The following NEB variants were observed in gnomAD, a reference collection of about 807,000 sequenced individuals.
NEB encodes nemaline myopathy type 2.
In NEB, 512 loss-of-function variants were observed where a neutral mutation model predicts 952.2. The ratio of observed to expected loss-of-function variants is 0.54; its 90% confidence interval spans 0.50 to 0.58. The LOEUF (loss-of-function observed/expected upper bound fraction) is 0.58, where lower values mean the gene tolerates loss of function less well. Ranked by LOEUF, NEB falls within the 20% of genes least tolerant of loss-of-function variation. NEB has a pLI of 0.00. For synonymous variants in NEB, 2,900 were observed against 3,149.8 expected (o/e 0.92, Z 2.66); for missense variants, 8,428 against 9,231.1 (o/e 0.91, Z 3.56).
chr2:151,691,818 C>G, intron 23 of NEB, 46 bp downstream of exon 23: 1 of 1,338,088 alleles, frequency 7.5e-7, no homozygotes. Context: ...CTAGATGTCA[C>G]AGGAATCCCA....
chr2:151,705,852 A>G (rs1001207049), intron 13 of NEB, among the ~76,000 whole-genome samples: 5 of 152,240 alleles, frequency 3.3e-5, no homozygotes, highest in Admixed American at 6.5e-5. Flanking sequence ...GCTCTCACTT[A>G]TAAGTGGAAG....
rs985362546 is a variant in NEB, at chr2:151,533,666, C to T, written c.21313-120G>A. ...TAGGCATACACACTTTATGTACTCA[C>T]ATATGTGCGGGTGAAGACATCAAAT... On this transcript the variant is annotated intron_variant, in intron 142 of 181. Coordinates refer to ENST00000397345, the MANE Select transcript of NEB (RefSeq NM_001164508.2). 7.8e-6 allele frequency: 5 copies of T among 640,992 alleles called. No individual in the cohort carries two copies. The Admixed American group carries it at 1.2e-4, about 16-fold the overall frequency. The allele number at this position is 640,992 out of a possible 1,614,324, so 39.7% of individuals were successfully genotyped here.
intron 9 of NEB, among the ~76,000 whole-genome samples, chr2:151,719,233 A>C (rs983573120): frequency 2.0e-5 from 3 of 152,240 alleles, no homozygotes; most frequent in African/African-American, 7.2e-5. Context: ...CATAGTACCT[A>C]GCTAGAGCAA....
In NEB at chr2:151,666,413, C is replaced by G. The variant is rs1205808261; in HGVS notation, c.4720-12G>C. On this transcript the variant is annotated splice_polypyrimidine_tract_variant and intron_variant, in intron 40 of 181. Transcript: ENST00000397345. Reference sequence around the variant, plus strand: ...TCCTTATATTTGCACTATTTGAAAACAAAGGGCAAACAGAAGTTGGCTAGC... The same window carrying G: ...TCCTTATATTTGCACTATTTGAAAAGAAAGGGCAAACAGAAGTTGGCTAGC... 1.9e-6 allele frequency: 3 copies of G among 1,607,710 alleles called. No homozygotes were observed. Among genetic ancestry groups the G allele is most frequent in the Non-Finnish European group, 2.6e-6 (3 of 1,176,426 alleles).
Position 151,733,450 on chromosome 2 carries a change from A to C in NEB, c.-30+262T>G, listed in dbSNP as rs186277681. On this transcript the variant is annotated intron_variant, in intron 2 of 181. Transcript: ENST00000397345. ...ATTGTAAAACGAAATTGAGGTAAGG[A>C]AGTGAGAGAGTTTGGACTCAGGGAA... 5.3e-5 allele frequency among the ~76,000 whole-genome samples: 8 copies of C among 152,302 alleles called. No homozygotes were observed. The East Asian group carries it at 1.5e-3, about 29-fold the overall frequency.
chr2:151,513,683 T>G lies in NEB; in HGVS notation c.23138A>C (p.Lys7713Thr). 6.3e-7 allele frequency: 1 copy of G among 1,598,492 alleles called. No homozygotes were observed. Among genetic ancestry groups the G allele is most frequent in the East Asian group, 2.2e-5 (1 of 44,624 alleles). ...ATQILNEKEYKRDLELEVKGR... is the reference protein window; with the variant it reads ...ATQILNEKEYTRDLELEVKGR... ...TTTGACTTCCAGTTCCAGGTCTCGC[T>G]TATATTCTTTCTATAGTAGCATTAA... Residue 7713 changes from lysine (K) to threonine (T), a missense_variant, in exon 160 of 182, where the codon AAG becomes ACG. By Grantham distance (78) the Lys-to-Thr change is moderately conservative. Coordinates refer to ENST00000397345, the MANE Select transcript of NEB (RefSeq NM_001164508.2).
At chr2:151,688,814 C>A (rs2099523157) in intron 24 of NEB, among the ~76,000 whole-genome samples, 1 of 152,160 alleles carries the variant, frequency 6.6e-6, no homozygotes, top group African/African-American at 2.4e-5. Context: ...AAATATCTTA[C>A]TGTATGTTTT....
intron 54 of NEB, among the ~76,000 whole-genome samples, chr2:151,649,751 T>A (rs527960458): frequency 2.6e-5 from 4 of 152,342 alleles, no homozygotes; most frequent in African/African-American, 9.6e-5. Flanking sequence ...TATCCATTTA[T>A]CCTGATTCAG....
chr2:151,677,924 G>A lies in NEB; in HGVS notation c.3519C>T (p.Asp1173=), dbSNP rs376512820. The change falls in exon 33 of 182, where the codon GAC becomes GAT. Residue 1173 remains aspartate, a synonymous_variant. Transcript: ENST00000397345. ...TCTTAGACAGCTCCAGGTCCATGGC[G>A]TCAGGCAAGTAGGTGTAATGATGGA... ...HSLHHYTYLP[D]AMDLELSKNM... is the part of the protein sequence containing the mutation. 2.8e-5 allele frequency: 45 copies of A among 1,613,492 alleles called. No homozygotes were observed. The highest frequency in any genetic ancestry group is 1.5e-4 in the South Asian group (14 of 91,042).
Position 151,664,870 on chromosome 2 carries a change from T to A in NEB, c.5239-7A>T, listed in dbSNP as rs1290880065. The A allele has an allele frequency of 6.3e-7, 1 of 1,595,076 alleles. No homozygotes were observed. The highest frequency in any genetic ancestry group is 8.6e-7 in the Non-Finnish European group (1 of 1,165,934). On this transcript the variant is annotated splice_region_variant and splice_polypyrimidine_tract_variant and intron_variant, in intron 42 of 181. Transcript: ENST00000397345. Reference sequence around the variant, plus strand: ...ATTTTTCAGTGTAGAGCCTCTGCAATGAGAAAGTCAGGTGCATGATTTTAC... The same window carrying A: ...ATTTTTCAGTGTAGAGCCTCTGCAAAGAGAAAGTCAGGTGCATGATTTTAC...
In NEB at chr2:151,614,537, G is replaced by T; in HGVS notation, c.11340C>A (p.Ala3780=). The T allele has an allele frequency of 6.2e-7, 1 of 1,613,714 alleles. No homozygotes were observed. The highest frequency in any genetic ancestry group is 8.5e-7 in the Non-Finnish European group (1 of 1,179,818). Residue 3780 remains alanine, a synonymous_variant, in exon 77 of 182, where the codon GCC becomes GCA. Transcript: ENST00000397345. ...TCTTCGGGTCATCCTTAATGTTCCG[G>T]GCCCCAATATGGTGGCCAAGCTGTT... ...YRKQLGHHIG[A]RNIKDDPKMM...
Position 151,498,278 on chromosome 2 carries a change from A to ATTGTGT in NEB, c.24183_24188dup (p.Lys8061_His8062dup). ...AAAATACCGAGCTAAGGTTTTCTTG[A>ATTGTGT]TTGTGTTTGACTCTCTGCATCTCAG... is the stretch of plus-strand genomic sequence containing the variant. On this transcript the variant is annotated inframe_insertion, in exon 170 of 182. Transcript: ENST00000397345. 6.4e-7 allele frequency: 1 copy of ATTGTGT among 1,551,278 alleles called. No individual in the cohort carries two copies. The highest frequency in any genetic ancestry group is 8.7e-7 in the Non-Finnish European group (1 of 1,146,796).
chr2:151,715,138 A>G (rs1412795596), intron 10 of NEB, among the ~76,000 whole-genome samples: 4 of 152,218 alleles, frequency 2.6e-5, no homozygotes, highest in Non-Finnish European at 2.9e-5. Flanking sequence ...AGTACCCAAC[A>G]CTGTCACCTT....
chr2:151,670,872 C>T, intron 38 of NEB, 151 bp downstream of exon 38: 2 of 784,900 alleles, frequency 2.5e-6, no homozygotes. Context: ...TCCCAGTTGC[C>T]TCAAAAGGCA....
chr2:151,617,007 A>C (rs1010566586), intron 75 of NEB, among the ~76,000 whole-genome samples: 2 of 152,236 alleles, frequency 1.3e-5, no homozygotes, highest in Non-Finnish European at 2.9e-5. Context: ...CAGCAAAATA[A>C]TATGCGGCTT....
At chr2:151,527,637 T>C in intron 146 of NEB, 52 bp from the exon 147 acceptor site, 1 of 1,322,978 alleles carries the variant, frequency 7.6e-7, no homozygotes, top group East Asian at 2.4e-5. Flanking sequence ...GCTAAATTCA[T>C]AAACACACAC....
At chr2:151,638,464 T>C (rs2098802312) in intron 63 of NEB, among the ~76,000 whole-genome samples, 1 of 152,192 alleles carries the variant, frequency 6.6e-6, no homozygotes, top group Non-Finnish European at 1.5e-5. Flanking sequence ...CTGGTGCTGC[T>C]CTCCATCTCT....
At chr2:151,568,742 A>T (rs2096522907) in intron 110 of NEB, 26 bp from the exon 111 acceptor site, 1 of 1,482,788 alleles carries the variant, frequency 6.7e-7, no homozygotes, top group East Asian at 2.4e-5. Context: ...CATCTTTTAG[A>T]TAGTTGTAAT....
rs1020103844 is a variant in NEB at position 151,508,164 on chromosome 2, A to G, written c.23347-55T>C. The stretch of plus-strand genomic sequence containing the variant: ...GTAAACACCACAGGGATATAGGCCA[A>G]TGGGACCTAAAATAGGCTATTTTAG... On this transcript the variant is annotated intron_variant, in intron 161 of 181. Coordinates refer to ENST00000397345, the MANE Select transcript of NEB (RefSeq NM_001164508.2). 28 of 1,234,600 alleles carry G rather than the reference A, an allele frequency of 2.3e-5. No homozygotes were observed. In the Middle Eastern group the frequency reaches 7.5e-4, roughly 33 times the overall value. The allele number at this position is 1,234,600 out of a possible 1,614,324, so 76.5% of individuals were successfully genotyped here.
Sources: allele counts gnomAD v4.1 joint callset (sites outside exome capture counted in the v4.1 genomes callset), GRCh38; gene constraint gnomAD v4.1.1; transcripts MANE v1.5; gene names NCBI Gene and HGNC (gene_info 2026-07-23, HGNC 2026-07-21).